SNAI3: variants seen among roughly 807,000 people sequenced by gnomAD.
SNAI3 encodes snail family transcriptional repressor 3.
SNAI3 carries 21 observed loss-of-function variants against 16.4 expected under a neutral mutation model. The observed-to-expected ratio is 1.28, with a 90% CI of 0.91 to 1.85. The LOEUF (loss-of-function observed/expected upper bound fraction) is 1.85, where lower values mean the gene tolerates loss of function less well. Ranked by LOEUF, SNAI3 falls within the 40% of genes most tolerant of loss-of-function variation. The pLI is 0.00. For synonymous variants in SNAI3, 202 were observed against 166.6 expected (o/e 1.21, Z -1.64); for missense variants, 457 against 372.8 (o/e 1.23, Z -1.86).
chr16:88,682,681 TCTAGAACA>T (rs1909214734), intron 1 of SNAI3, among the ~76,000 whole-genome samples: 1 of 149,296 alleles, frequency 6.7e-6, no homozygotes, highest in South Asian at 2.1e-4. Flanking sequence ...AGGAATAGCA[TCTAGAACA>T]CTAGAACATA....
At position 88,681,546 on chromosome 16, in the gene SNAI3, G is replaced by A; in HGVS notation, c.245C>T (p.Ala82Val). 2.0e-6 allele frequency: 3 copies of A among 1,513,744 alleles called. No individual in the cohort carries two copies. Among genetic ancestry groups the A allele is most frequent in the Non-Finnish European group, 1.8e-6 (2 of 1,129,888 alleles). The allele number at this position is 1,513,744 out of a possible 1,614,324, so 93.8% of individuals were successfully genotyped here. The change falls in exon 2 of 3, where the codon GCC (alanine) becomes GTC (valine). Residue 82 changes from alanine (A) to valine (V), a missense_variant. Coordinates refer to ENST00000332281, the MANE Select transcript of SNAI3 (RefSeq NM_178310.4). The surrounding 1 kb of genome is among the most constrained non-coding windows in gnomAD (Gnocchi z 5.4). ...GACTTCCAAGGCGTCCAGCCCAGAG[G>A]CCCCCAGAGCTTCCTCGATCCGTGG... ...LLPRIEEALG[A>V]SGLDALEVSE...
intron 1 of SNAI3, among the ~76,000 whole-genome samples, chr16:88,683,084 CT>C (rs35518035): frequency 0.033 from 3,256 of 98,776 alleles, 71 homozygotes; most frequent in African/African-American, 0.11. Flanking sequence ...GCCCCCCACC[CT>C]TTTTTTTTTT....
chr16:88,684,526 C>T (rs1432685492), intron 1 of SNAI3, among the ~76,000 whole-genome samples: 2 of 152,170 alleles, frequency 1.3e-5, no homozygotes, highest in African/African-American at 2.4e-5. Context: ...GACAGAGTCT[C>T]GCTCTGTCGC....
At position 88,678,330 on chromosome 16, in the gene SNAI3, C is replaced by T. The variant is rs199870489; in HGVS notation, c.*118G>A. ...TCTGATTGGACGCAGATGTGGAGGA[C>T]GCACCAAGTGTGAGGCCAGGCCCCG... On this transcript the variant is annotated 3_prime_UTR_variant, in exon 3 of 3. Coordinates refer to ENST00000332281, the MANE Select transcript of SNAI3 (RefSeq NM_178310.4). 6 of 602,008 alleles carry T rather than the reference C, an allele frequency of 1.0e-5. No individual in the cohort carries two copies. In the East Asian group the frequency reaches 1.1e-4, roughly 11 times the overall value. 37.3% of individuals were successfully genotyped at this position (602,008 alleles called of 1,614,324 possible). A position where few individuals can be genotyped will look rare whatever the true frequency, so the allele number is the denominator to read the frequency against.
chr16:88,686,507 T>A lies in SNAI3; in HGVS notation c.-101A>T, dbSNP rs570788916. On this transcript the variant is annotated 5_prime_UTR_variant, in exon 1 of 3. Coordinates refer to ENST00000332281, the MANE Select transcript of SNAI3 (RefSeq NM_178310.4). ...CGGCGCTTGAAGGGGTCAGGCTCATTAGCATAGCGCGCCGCCTCCGCCAAC... is the reference window on the plus strand; with the variant it reads ...CGGCGCTTGAAGGGGTCAGGCTCATAAGCATAGCGCGCCGCCTCCGCCAAC... The A allele has an allele frequency of 2.0e-3, 2,904 of 1,462,288 alleles. 65 individuals carry two copies. The African/African-American group carries it at 0.037, about 19-fold the overall frequency. The allele number at this position is 1,462,288 out of a possible 1,614,324, so 90.6% of individuals were successfully genotyped here.
In SNAI3 at chr16:88,686,470, T is replaced by C. The variant is rs1909370118; in HGVS notation, c.-64A>G. The stretch of plus-strand genomic sequence containing the variant: ...GGGAGGGGCGCGCCTGGGTCCGGAC[T>C]GCTGCGTCCGCCGGCGCTTGAAGGG... On this transcript the variant is annotated 5_prime_UTR_variant, in exon 1 of 3. Coordinates refer to ENST00000332281, the MANE Select transcript of SNAI3 (RefSeq NM_178310.4). 3 of 1,578,018 alleles carry C rather than the reference T, an allele frequency of 1.9e-6. No homozygotes were observed. The highest frequency in any genetic ancestry group is 1.1e-5 in the South Asian group (1 of 88,870).
At chr16:88,680,344 G>A (rs1480687082) in intron 2 of SNAI3, among the ~76,000 whole-genome samples, 5 of 138,634 alleles carry the variant, frequency 3.6e-5, no homozygotes, top group African/African-American at 5.3e-5. Context: ...GGAGGGCAGT[G>A]GCGCAATCTT....
In SNAI3 at chr16:88,678,475, C is replaced by T. The variant is rs750370281; in HGVS notation, c.852G>A (p.Glu284=). ...AGGGGCCCGGGCAGCAGCCAGACTC[C>T]TCATGCCGCGCCAGGAGGGACATGC... is the stretch of plus-strand genomic sequence containing the variant. ...FSRMSLLARH[E]ESGCCPGP is the part of the protein sequence containing the mutation. Residue 284 remains glutamate (E), a synonymous_variant, in exon 3 of 3, where the codon GAG becomes GAA. Transcript: ENST00000332281. 1.3e-5 allele frequency: 10 copies of T among 777,048 alleles called. No homozygotes were observed. Among genetic ancestry groups the T allele is most frequent in the African/African-American group, 3.4e-5 (2 of 59,212 alleles). The allele number at this position is 777,048 out of a possible 1,614,324, so 48.1% of individuals were successfully genotyped here. A position where few individuals can be genotyped will look rare whatever the true frequency, so the allele number is the denominator to read the frequency against.
In SNAI3 at chr16:88,683,765, C is replaced by T. The variant is rs1000216828; in HGVS notation, c.77-2051G>A. Among the ~76,000 whole-genome samples, 6 of 152,140 alleles carry T rather than the reference C, an allele frequency of 3.9e-5. No homozygotes were observed. The South Asian group carries it at 1.0e-3, about 26-fold the overall frequency. On this transcript the variant is annotated intron_variant, in intron 1 of 2. Transcript: ENST00000332281. ...AGACGCGGGTTTTTGCCACATTGGC[C>T]AGACTCGTCTCAAACTCCTGGCCTC...
At chr16:88,685,172 A>G (rs958982243) in intron 1 of SNAI3, 7 of 152,352 alleles carry the variant, frequency 4.6e-5, no homozygotes, top group South Asian at 2.1e-4. Context: ...CCACATACAC[A>G]TAACAGAAGC....
chr16:88,678,541 G>T lies in SNAI3; in HGVS notation c.786C>A (p.Ala262=), dbSNP rs139375690. ...LRAHLQTHSD[A]KKYRCRRCTK... ...TGCAGCGCCGGCACCGGTACTTCTTGGCGTCTGAGTGCGTTTGCAGATGGG... is the reference window on the plus strand; with the variant it reads ...TGCAGCGCCGGCACCGGTACTTCTTTGCGTCTGAGTGCGTTTGCAGATGGG... Residue 262 remains alanine, a synonymous_variant, in exon 3 of 3, where the codon GCC becomes GCA. Transcript: ENST00000332281. The T allele has an allele frequency of 4.8e-3, 3,813 of 802,684 alleles. 31 individuals are homozygous for T. Among genetic ancestry groups the T allele is most frequent in the South Asian group, 0.011 (855 of 75,030 alleles). 49.7% of individuals were successfully genotyped at this position (802,684 alleles called of 1,614,324 possible).
intron 2 of SNAI3, among the ~76,000 whole-genome samples, chr16:88,680,512 T>G (rs544799118): frequency 2.0e-5 from 3 of 152,132 alleles, no homozygotes; most frequent in African/African-American, 7.2e-5. Context: ...CTCAAACTCA[T>G]GACCTCAGGT....
At position 88,681,404 on chromosome 16, in the gene SNAI3, G is replaced by A. The variant is rs750264035; in HGVS notation, c.387C>T (p.Gly129=). Residue 129 remains glycine (G), a synonymous_variant, in exon 2 of 3, where the codon GGC becomes GGT. Coordinates refer to ENST00000332281, the MANE Select transcript of SNAI3 (RefSeq NM_178310.4). The surrounding 1 kb of genome is among the most constrained non-coding windows in gnomAD (Gnocchi z 5.4). ...VLPTRWSPTL[G]PDRHGAPEKL... ...TTTCCGGAGCCCCGTGCCGGTCTGG[G>A]CCCAAGGTCGGGGACCACCGTGTGG... 4 of 1,611,596 alleles carry A rather than the reference G, an allele frequency of 2.5e-6. No homozygotes were observed. The highest frequency in any genetic ancestry group is 3.4e-6 in the Non-Finnish European group (4 of 1,178,510).
Position 88,677,963 on chromosome 16 carries a change from A to G in SNAI3, c.*485T>C. Reference sequence around the variant, plus strand: ...GGCAGCTCGTCCCAGACCCCAAACCAAAGGCTGGCGGGGGCTGGCTGAGAG... The same window carrying G: ...GGCAGCTCGTCCCAGACCCCAAACCGAAGGCTGGCGGGGGCTGGCTGAGAG... On this transcript the variant is annotated 3_prime_UTR_variant, in exon 3 of 3. Transcript: ENST00000332281. The G allele has an allele frequency of 6.4e-6, 1 of 157,140 alleles. No homozygotes were observed. The highest frequency in any genetic ancestry group is 6.4e-5 in the Admixed American group (1 of 15,700). 9.7% of individuals were successfully genotyped at this position (157,140 alleles called of 1,614,324 possible). A position where few individuals can be genotyped will look rare whatever the true frequency, so the allele number is the denominator to read the frequency against.
In SNAI3 at chr16:88,677,712, A is replaced by C. The variant is rs527627911; in HGVS notation, c.*736T>G. The C allele has an allele frequency of 8.5e-5, 13 of 152,242 alleles. No individual in the cohort carries two copies. Among genetic ancestry groups the C allele is most frequent in the African/African-American group, 2.4e-4 (10 of 41,522 alleles). 9.4% of individuals were successfully genotyped at this position (152,242 alleles called of 1,614,324 possible). A position where few individuals can be genotyped will look rare whatever the true frequency, so the allele number is the denominator to read the frequency against. Reference sequence around the variant, plus strand: ...GTGTGCAGAGACCATTTATTACCCCACGGCTGTTATTGCCTGGGAAGCTGA... The same window carrying C: ...GTGTGCAGAGACCATTTATTACCCCCCGGCTGTTATTGCCTGGGAAGCTGA... On this transcript the variant is annotated 3_prime_UTR_variant, in exon 3 of 3. Transcript: ENST00000332281.
intron 2 of SNAI3, chr16:88,678,889 CGG>C (rs1283752826): frequency 2.0e-6 from 2 of 985,272 alleles, no homozygotes; most frequent in Admixed American, 1.2e-4. Context: ...TGGGAGAGGA[CGG>C]GAGAAGCACT....
chr16:88,681,299 CA>C lies in SNAI3; in HGVS notation c.491del (p.Leu164ArgfsTer269). ...GCTGCCGGTGCCTGGCCAGCCCGGCCAGCGTGTGGTAGGGTTTGTGGCAGTG... is the reference window on the plus strand; with the variant it reads ...GCTGCCGGTGCCTGGCCAGCCCGGCCGCGTGTGGTAGGGTTTGTGGCAGTG... Reference protein sequence around the residue: ...CFHCHKPYHTLAGLARHRQLH... With the variant: ...CFHCHKPYHTXAGLARHRQLH... On this transcript the variant is annotated frameshift_variant, in exon 2 of 3. Coordinates refer to ENST00000332281, the MANE Select transcript of SNAI3 (RefSeq NM_178310.4). LOFTEE classifies it high-confidence loss of function. This position sits in a 1 kb window ranked among gnomAD's most constrained non-coding sequence, Gnocchi z 5.4. 6.2e-7 allele frequency: 1 copy of C among 1,613,336 alleles called. No individual in the cohort carries two copies. The highest frequency in any genetic ancestry group is 8.5e-7 in the Non-Finnish European group (1 of 1,179,924).
In SNAI3 at chr16:88,677,748, A is replaced by C. The variant is rs1414248681; in HGVS notation, c.*700T>G. 6.6e-6 allele frequency: 1 copy of C among 152,012 alleles called. No individual in the cohort carries two copies. Among genetic ancestry groups the C allele is most frequent in the Non-Finnish European group, 1.5e-5 (1 of 68,008 alleles). 9.4% of individuals were successfully genotyped at this position (152,012 alleles called of 1,614,324 possible). ...TGCCTGGGAAGCTGAGTGCCCTGAG[A>C]CCCCAGCCCCCTGAGGCTCTGACCG... is the stretch of plus-strand genomic sequence containing the variant. On this transcript the variant is annotated 3_prime_UTR_variant, in exon 3 of 3. Transcript: ENST00000332281.
chr16:88,679,313 G>T (rs1454097772), intron 2 of SNAI3, among the ~76,000 whole-genome samples: 4 of 152,210 alleles, frequency 2.6e-5, no homozygotes, highest in South Asian at 2.1e-4. Context: ...GGGGTGTGTG[G>T]GGGGTGTCGT....
Sources: gnomAD v4.1 joint callset for allele counts (sites outside exome capture counted in the v4.1 genomes callset) on GRCh38, gnomAD v4.1.1 for gene constraint, Gnocchi (gnomAD v3.1) non-coding constraint, MANE v1.5 for transcripts, NCBI Gene and HGNC (gene_info 2026-07-23, HGNC 2026-07-21) for gene names.